Variants in DDX60L observed in about 807,000 individuals in gnomAD.
The protein encoded by DDX60L is DExD/H-box 60 like.
Under a neutral mutation model 211.6 loss-of-function variants are expected in DDX60L, and 191 were observed. The ratio of observed to expected loss-of-function variants is 0.90; its 90% CI spans 0.80 to 1.02. The LOEUF (loss-of-function observed/expected upper bound fraction) is 1.02. DDX60L is among the 50% of genes least tolerant of loss of function. The pLI, the probability that DDX60L is intolerant of heterozygous loss-of-function variation, is 0.00. For missense variants in DDX60L, 2,007 were observed against 1,984.1 expected (o/e 1.01, Z -0.22); for synonymous variants, 706 against 694.1 (o/e 1.02, Z -0.27).
intron 36 of DDX60L, among the ~76,000 whole-genome samples, chr4:168,366,398 AC>A (rs1739994865): frequency 6.6e-6 from 1 of 152,142 alleles, no homozygotes; most frequent in Non-Finnish European, 1.5e-5. Context: ...TACAATAGCT[AC>A]AAAAAATTAG....
chr4:168,405,652 C>T (rs1747621847), intron 24 of DDX60L, among the ~76,000 whole-genome samples: 1 of 152,156 alleles, frequency 6.6e-6, no homozygotes, highest in South Asian at 2.1e-4. Flanking sequence ...GTGAAAGCCT[C>T]GGCAACATTG....
chr4:168,391,453 G>A (rs1258869914), intron 29 of DDX60L, 87 bp downstream of exon 29: 43 of 860,044 alleles, frequency 5.0e-5, no homozygotes, highest in East Asian at 2.4e-4. Context: ...GACACAAACC[G>A]TAGCCTGTTA....
At chr4:168,411,844 G>C (rs908385344) in intron 22 of DDX60L, among the ~76,000 whole-genome samples, 11 of 151,994 alleles carry the variant, frequency 7.2e-5, no homozygotes, top group South Asian at 2.1e-4. Context: ...CCTCCCTTCT[G>C]CTTGCTGAGA....
chr4:168,414,904 C>CA lies in DDX60L; in HGVS notation c.2979+503dup, dbSNP rs1461597886. Among the ~76,000 whole-genome samples, 3 of 143,022 alleles carry CA rather than the reference C, an allele frequency of 2.1e-5. No homozygotes were observed. The East Asian group carries it at 6.1e-4, about 29-fold the overall frequency. 93.8% of individuals were successfully genotyped at this position (143,022 alleles called of 152,430 possible). On this transcript the variant is annotated intron_variant, in intron 22 of 37. Coordinates refer to ENST00000682922, the MANE Select transcript of DDX60L (RefSeq NM_001012967.3). The stretch of plus-strand genomic sequence containing the variant: ...TGGAAGAGGGAATGGTTAATGAGCA[C>CA]AAAAAAATAGATAGAATAAATAAGA...
chr4:168,374,503 T>C (rs1374312963), intron 34 of DDX60L, among the ~76,000 whole-genome samples: 1 of 152,194 alleles, frequency 6.6e-6, no homozygotes, highest in East Asian at 1.9e-4. Flanking sequence ...TACTTTGCAA[T>C]ACCAGTTACT....
At chr4:168,411,608 C>T (rs1476682300) in intron 22 of DDX60L, among the ~76,000 whole-genome samples, 2 of 152,236 alleles carry the variant, frequency 1.3e-5, no homozygotes, top group East Asian at 1.9e-4. Context: ...CTGGCAAGCT[C>T]GTCACTGGGG....
chr4:168,455,774 T>C (rs762809600), intron 7 of DDX60L, among the ~76,000 whole-genome samples: 3 of 152,216 alleles, frequency 2.0e-5, no homozygotes, highest in Non-Finnish European at 4.4e-5. Flanking sequence ...CAGATAAAAC[T>C]TGCTGTACAT....
chr4:168,396,216 T>C (rs1014242915), intron 26 of DDX60L, 92 bp from the exon 27 acceptor site: 2 of 733,566 alleles, frequency 2.7e-6, no homozygotes, highest in Admixed American at 3.4e-5. Flanking sequence ...TTTCCCTTGG[T>C]CATCCGACGT....
intron 36 of DDX60L, among the ~76,000 whole-genome samples, chr4:168,362,875 G>T (rs1739339533): frequency 6.6e-6 from 1 of 152,176 alleles, no homozygotes; most frequent in Admixed American, 6.5e-5. Context: ...AGAGGGAGAA[G>T]TAGAGAGATA....
chr4:168,406,391 T>G (rs1417416615), intron 23 of DDX60L, among the ~76,000 whole-genome samples: 1 of 152,172 alleles, frequency 6.6e-6, no homozygotes, highest in Non-Finnish European at 1.5e-5. Flanking sequence ...AAAGAAGACA[T>G]ATTTTTGAGA....
intron 10 of DDX60L, among the ~76,000 whole-genome samples, chr4:168,433,603 T>TA (rs1486744864): frequency 6.6e-6 from 1 of 152,226 alleles, no homozygotes; most frequent in African/African-American, 2.4e-5. Flanking sequence ...TTCCTATGTA[T>TA]GGTTTACATG....
intron 26 of DDX60L, among the ~76,000 whole-genome samples, chr4:168,397,963 G>A (rs942131749): frequency 3.3e-5 from 5 of 152,030 alleles, no homozygotes; most frequent in African/African-American, 4.8e-5. Flanking sequence ...CAGGAGCCCC[G>A]CCCTTATGGG....
chr4:168,438,191 C>T (rs1753331869), intron 10 of DDX60L, among the ~76,000 whole-genome samples: 1 of 152,156 alleles, frequency 6.6e-6, no homozygotes, highest in Admixed American at 6.5e-5. Flanking sequence ...TTAGACAAAG[C>T]TTTGTTCCTT....
rs1261313037 is a variant in DDX60L at position 168,361,156 on chromosome 4, C to A, written c.4984G>T (p.Ala1662Ser). The A allele has an allele frequency of 6.2e-6, 10 of 1,605,518 alleles. No individual in the cohort carries two copies. Among genetic ancestry groups the A allele is most frequent in the Non-Finnish European group, 7.7e-6 (9 of 1,174,096 alleles). ...ACTCAGCATGAAACATACCTGATAG[C>A]CTGAATGTTGAATGCAAAATCTTTC... ...CLKDFAFNIQ[A>S]ISDSLSELCE... Residue 1662 changes from alanine to serine, a missense_variant, in exon 37 of 38, where the codon GCT becomes TCT. Ala to Ser is a moderately conservative substitution (Grantham distance 99, BLOSUM62 1). Transcript: ENST00000682922.
At chr4:168,386,020 G>A (rs933720362) in intron 29 of DDX60L, among the ~76,000 whole-genome samples, 12 of 152,098 alleles carry the variant, frequency 7.9e-5, no homozygotes, top group African/African-American at 2.9e-4. Flanking sequence ...AGGGGAGAGA[G>A]AGAGGGAGGA....
intron 10 of DDX60L, among the ~76,000 whole-genome samples, chr4:168,435,607 C>A (rs903247979): frequency 1.3e-5 from 2 of 150,440 alleles, no homozygotes; most frequent in African/African-American, 5.0e-5. Flanking sequence ...ATCGAGCTGG[C>A]AAATGCTTTT....
chr4:168,398,658 A>T (rs1746254142), intron 26 of DDX60L, among the ~76,000 whole-genome samples: 2 of 152,194 alleles, frequency 1.3e-5, no homozygotes, highest in Admixed American at 1.3e-4. Flanking sequence ...CCATGGACCA[A>T]TCAGCACACA....
intron 12 of DDX60L, among the ~76,000 whole-genome samples, chr4:168,432,170 G>C (rs1752447823): frequency 6.6e-6 from 1 of 151,232 alleles, no homozygotes; most frequent in African/African-American, 2.4e-5. Flanking sequence ...ATGCACACCA[G>C]ATAATATAAT....
Position 168,373,712 on chromosome 4 carries a change from G to A in DDX60L, c.4730C>T (p.Ser1577Leu), listed in dbSNP as rs191680185. The change falls in exon 35 of 38, where the codon TCG (serine) becomes TTG (leucine). Residue 1577 changes from serine (S) to leucine (L), a missense_variant. Physicochemically the swap from Ser to Leu is moderately radical, Grantham distance 145. Transcript: ENST00000682922. ...RVAISPFVCLSGNTDNDLLRP... is the reference protein window; with the variant it reads ...RVAISPFVCLLGNTDNDLLRP... ...AAGCAAATCATTATCTGTGTTCCCC[G>A]AAAGACAAACAAATGGTGAAATGGC... The A allele has an allele frequency of 3.0e-5, 49 of 1,613,898 alleles. No homozygotes were observed. In the African/African-American group the frequency reaches 4.0e-4, roughly 13 times the overall value.
Sources: gnomAD v4.1 joint callset for allele counts (sites outside exome capture counted in the v4.1 genomes callset) on GRCh38, gnomAD v4.1.1 for gene constraint, MANE v1.5 for transcripts, NCBI Gene and HGNC (gene_info 2026-07-23, HGNC 2026-07-21) for gene names.